The following IGSF10 variants were observed in gnomAD, a reference collection of about 807,000 sequenced individuals.
IGSF10 encodes calvaria mechanical force protein 608.
A neutral mutation model predicts 128.2 loss-of-function variants in IGSF10; 126 were observed. The ratio of observed to expected loss-of-function variants is 0.98; its 90% CI spans 0.85 to 1.14. The LOEUF is 1.14. Among genes scored for constraint, IGSF10 ranks in the 50% most tolerant of loss-of-function variants. The pLI, the probability that IGSF10 is intolerant of heterozygous loss-of-function variation, is 0.00. For missense variants in IGSF10, 3,295 were observed against 3,149.8 expected (o/e 1.05, Z -1.10); for synonymous variants, 1,185 against 1,146.2 (o/e 1.03, Z -0.68).
In IGSF10 at chr3:151,437,200, C is replaced by A. The variant is rs1286346461; in HGVS notation, c.7361G>T (p.Cys2454Phe). 2 of 1,614,104 alleles carry A rather than the reference C, an allele frequency of 1.2e-6. No individual in the cohort carries two copies. Among genetic ancestry groups the A allele is most frequent in the East Asian group, 2.2e-5 (1 of 44,884 alleles). ...TGGCTTAGGGATTCCATCAGACACA[C>A]AATGCAGTGATAGAGATTCTCCACT... ...GISGESLSLH[C>F]VSDGIPKPNI... is the part of the protein sequence containing the mutation. The change falls in exon 8 of 8, where the codon TGT (cysteine) becomes TTT (phenylalanine). Residue 2454 changes from cysteine (C) to phenylalanine (F), a missense_variant. Coordinates refer to ENST00000282466, the MANE Select transcript of IGSF10 (RefSeq NM_178822.5).
chr3:151,575,386 C>T, the IGSF10 span, among the ~76,000 whole-genome samples: 52 of 152,108 alleles, frequency 3.4e-4, no homozygotes, highest in Non-Finnish European at 1.0e-4. Flanking sequence ...CCATCTAGTT[C>T]GAGCTTCCCG....
rs966026656 is a variant in IGSF10 at position 151,453,438 on chromosome 3, A to C, written c.661T>G (p.Trp221Gly). 2.5e-6 allele frequency: 4 copies of C among 1,613,210 alleles called. No homozygotes were observed. Among genetic ancestry groups the C allele is most frequent in the African/African-American group, 1.3e-5 (1 of 74,880 alleles). ...LDSLYLHGNP[W>G]TCDCHLKWLS... Reference sequence around the variant, plus strand: ...CACTTTAAATGGCAATCACAGGTCCATGGGTTTCCATGCAGGTAAAGGCTG... The same window carrying C: ...CACTTTAAATGGCAATCACAGGTCCCTGGGTTTCCATGCAGGTAAAGGCTG... The change falls in exon 5 of 8, where the codon TGG becomes GGG. Residue 221 changes from tryptophan (W) to glycine (G), a missense_variant. Physicochemically the swap from Trp to Gly is radical, Grantham distance 184 (BLOSUM62 -2). Coordinates refer to ENST00000282466, the MANE Select transcript of IGSF10 (RefSeq NM_178822.5).
the IGSF10 span, among the ~76,000 whole-genome samples, chr3:151,569,808 T>G: frequency 6.6e-6 from 1 of 152,222 alleles, no homozygotes; most frequent in Non-Finnish European, 1.5e-5. Flanking sequence ...TATGTATACA[T>G]GCGCCATGTT....
the IGSF10 span, among the ~76,000 whole-genome samples, chr3:151,559,872 G>A: frequency 1.3e-5 from 2 of 152,242 alleles, no homozygotes; most frequent in Admixed American, 6.5e-5. Context: ...CAGTTCCAAC[G>A]TGATGAAGAC....
At chr3:151,461,811 A>G (rs1408371158), upstream of IGSF10, among the ~76,000 whole-genome samples, 1 of 152,202 alleles carries the variant, frequency 6.6e-6, no homozygotes, top group African/African-American at 2.4e-5. Flanking sequence ...TTTCACATAT[A>G]TAAGTGAGAT....
At chr3:151,496,008 T>C in the IGSF10 span, among the ~76,000 whole-genome samples, 2 of 152,264 alleles carry the variant, frequency 1.3e-5, no homozygotes, top group African/African-American at 4.8e-5. Context: ...TAAGGTTCAG[T>C]CTGATACTCA....
chr3:151,462,050 C>T (rs1179562558), upstream of IGSF10, among the ~76,000 whole-genome samples: 2 of 152,062 alleles, frequency 1.3e-5, no homozygotes. Flanking sequence ...ATCTCCAACC[C>T]TACCATCTGG....
chr3:151,448,273 C>T lies in IGSF10; in HGVS notation c.1708G>A (p.Glu570Lys), dbSNP rs1202761819. The part of the protein sequence containing the change: ...DILTYRITVV[E>K]PLVEAYQENG... ...TCCTGATAGGCTTCGACCAAAGGTT[C>T]TACCACAGTTATCCTATAGGTGAGA... is the stretch of plus-strand genomic sequence containing the variant. Residue 570 changes from glutamate (E) to lysine (K), a missense_variant, in exon 6 of 8, where the codon GAA (glutamate) becomes AAA (lysine). Coordinates refer to ENST00000282466, the MANE Select transcript of IGSF10 (RefSeq NM_178822.5). 6.2e-7 allele frequency: 1 copy of T among 1,614,246 alleles called. No individual in the cohort carries two copies. The highest frequency in any genetic ancestry group is 1.7e-5 in the Admixed American group (1 of 60,026).
At chr3:151,542,332 C>T in the IGSF10 span, among the ~76,000 whole-genome samples, 10 of 152,042 alleles carry the variant, frequency 6.6e-5, no homozygotes, top group South Asian at 6.2e-4. Flanking sequence ...CTCACTATAA[C>T]GAAAATCTCC....
At chr3:151,481,708 G>C in the IGSF10 span, among the ~76,000 whole-genome samples, 1 of 152,110 alleles carries the variant, frequency 6.6e-6, no homozygotes, top group Admixed American at 6.5e-5. Context: ...GCTACTCCAA[G>C]CACCTATGTC....
chr3:151,566,376 A>C, the IGSF10 span, among the ~76,000 whole-genome samples: 1 of 152,182 alleles, frequency 6.6e-6, no homozygotes, highest in Non-Finnish European at 1.5e-5. Flanking sequence ...GGTTCTACTT[A>C]ATAAGTACAA....
chr3:151,436,880 T>A lies in IGSF10; in HGVS notation c.7681A>T (p.Thr2561Ser), dbSNP rs373581486. 1.9e-6 allele frequency: 3 copies of A among 1,614,106 alleles called. No individual in the cohort carries two copies. The highest frequency in any genetic ancestry group is 2.5e-6 in the Non-Finnish European group (3 of 1,179,998). The change falls in exon 8 of 8, where the codon ACA becomes TCA. Residue 2561 changes from threonine (T) to serine (S), a missense_variant. By Grantham distance (58) the Thr-to-Ser change is moderately conservative (BLOSUM62 1). Coordinates refer to ENST00000282466, the MANE Select transcript of IGSF10 (RefSeq NM_178822.5). ...AGGGAGTGGTCAGGCATCTCCCATG[T>A]GATTTCTGGCTTGGGAACTCCCAAG... is the stretch of plus-strand genomic sequence containing the variant. ...VALGVPKPEI[T>S]WEMPDHSLLS... is the part of the protein sequence containing the mutation.
chr3:151,613,457 G>A, the IGSF10 span, among the ~76,000 whole-genome samples: 1 of 152,100 alleles, frequency 6.6e-6, no homozygotes, highest in South Asian at 2.1e-4. Context: ...AAACAGCATG[G>A]TACTGGTACC....
chr3:151,515,229 C>A, the IGSF10 span, among the ~76,000 whole-genome samples: 2 of 151,864 alleles, frequency 1.3e-5, no homozygotes, highest in Non-Finnish European at 2.9e-5. Flanking sequence ...AAATGTCCAA[C>A]AACGATAGAC....
chr3:151,552,535 T>A, the IGSF10 span, among the ~76,000 whole-genome samples: 1 of 152,156 alleles, frequency 6.6e-6, no homozygotes, highest in Non-Finnish European at 1.5e-5. Context: ...AATAGACCTA[T>A]GACCACGGAC....
the IGSF10 span, among the ~76,000 whole-genome samples, chr3:151,531,686 G>A: frequency 9.2e-5 from 14 of 152,304 alleles, no homozygotes; most frequent in East Asian, 3.9e-4. Flanking sequence ...CTAAAGCAGC[G>A]TGTAGAGAGA....
the IGSF10 span, among the ~76,000 whole-genome samples, chr3:151,599,519 T>C: frequency 6.6e-6 from 1 of 152,078 alleles, no homozygotes; most frequent in East Asian, 1.9e-4. Flanking sequence ...AAATCAGGGG[T>C]GGAAAATTAC....
At chr3:151,441,764 A>G (rs1720858562) in intron 7 of IGSF10, among the ~76,000 whole-genome samples, 1 of 152,216 alleles carries the variant, frequency 6.6e-6, no homozygotes, top group South Asian at 2.1e-4. Flanking sequence ...AAAGCCAGCT[A>G]TAAAATGAAT....
the IGSF10 span, among the ~76,000 whole-genome samples, chr3:151,525,807 T>C: frequency 6.6e-6 from 1 of 152,202 alleles, no homozygotes; most frequent in African/African-American, 2.4e-5. Context: ...CCACCAGGGA[T>C]AATCTCCCTT....
Sources: allele counts gnomAD v4.1 joint callset (sites outside exome capture counted in the v4.1 genomes callset), GRCh38; gene constraint gnomAD v4.1.1; transcripts MANE v1.5; gene names NCBI Gene and HGNC (gene_info 2026-07-23, HGNC 2026-07-21).